The following PPEF1 variants were observed in gnomAD, a reference collection of about 807,000 sequenced individuals.
The protein encoded by PPEF1 is protein phosphatase with EF-hand domain 1.
PPEF1 carries 12 observed loss-of-function variants against 53.3 expected under a neutral mutation model. The ratio of observed to expected loss-of-function variants is 0.23; its 90% CI spans 0.14 to 0.36. PPEF1 has a LOEUF of 0.36. Among genes scored for constraint, PPEF1 ranks in the 10% least tolerant of loss-of-function variants. The pLI is 1.00. For synonymous variants in PPEF1, 165 were observed against 176.7 expected, an observed-to-expected ratio of 0.93 and a Z score of 0.52; for missense variants, 334 against 490.4, an observed-to-expected ratio of 0.68 and a Z score of 3.01.
chrX:18,682,685 A>G (rs1012266451), upstream of PPEF1, among the ~76,000 whole-genome samples: 1 of 111,799 alleles, frequency 8.9e-6, no homozygotes, highest in Non-Finnish European at 1.9e-5. Flanking sequence ...CAATGGAAAG[A>G]GTCCTAATGA....
At chrX:18,807,385 G>A (rs946410428) in intron 12 of PPEF1, among the ~76,000 whole-genome samples, 4 of 111,940 alleles carry the variant, frequency 3.6e-5, no homozygotes, top group Admixed American at 2.9e-4. Flanking sequence ...CTGAAAAAAA[G>A]CAAAGAAGAA....
chrX:18,769,668 C>T (rs2045836736), intron 6 of PPEF1, among the ~76,000 whole-genome samples: 2 of 111,447 alleles, frequency 1.8e-5, no homozygotes, highest in South Asian at 7.5e-4. Flanking sequence ...CATAATTTTC[C>T]AGCTGTCAAG....
At chrX:18,703,337 T>C (rs1370893203), upstream of PPEF1, among the ~76,000 whole-genome samples, 1 of 112,228 alleles carries the variant, frequency 8.9e-6, no homozygotes, top group Non-Finnish European at 1.9e-5. Context: ...AGCCAATTTT[T>C]TCTAATGGAT....
At chrX:18,718,929 C>T (rs889933791) in intron 1 of PPEF1, among the ~76,000 whole-genome samples, 5 of 111,794 alleles carry the variant, frequency 4.5e-5, no homozygotes, top group African/African-American at 6.5e-5. Flanking sequence ...CTTGGATGAA[C>T]GAACATGGCA....
intron 10 of PPEF1, among the ~76,000 whole-genome samples, chrX:18,799,987 A>G (rs2046517462): frequency 8.9e-6 from 1 of 111,980 alleles, no homozygotes; most frequent in African/African-American, 3.2e-5. Flanking sequence ...CAGAAAAAAG[A>G]AATGCAGAAC....
At chrX:18,776,099 C>G (rs1428438705) in intron 6 of PPEF1, among the ~76,000 whole-genome samples, 1 of 112,465 alleles carries the variant, frequency 8.9e-6, no homozygotes, top group Non-Finnish European at 1.9e-5. Context: ...CCAACAGAGT[C>G]TATAGCCTTC....
At chrX:18,692,024 C>T (rs1021283274) in intron 4 of PPEF1, among the ~76,000 whole-genome samples, 1 of 111,969 alleles carries the variant, frequency 8.9e-6, no homozygotes, top group African/African-American at 3.3e-5. Context: ...CAGTGTTCTG[C>T]TTTTGCCTCT....
chrX:18,694,227 T>G (rs1296776901), intron 4 of PPEF1, among the ~76,000 whole-genome samples: 1 of 111,960 alleles, frequency 8.9e-6, no homozygotes, highest in Non-Finnish European at 1.9e-5. Flanking sequence ...CTGTTTTCAA[T>G]GTTTGACCGT....
chrX:18,703,037 AATGGAAGCAGCTTAGATTTTACCAAGTC>A (rs1489403906), upstream of PPEF1, among the ~76,000 whole-genome samples: 110 of 111,374 alleles, frequency 9.9e-4, no homozygotes, highest in African/African-American at 3.5e-3. Flanking sequence ...GAGGGTGGGA[AATGGAAGCAGCTTAGATTTTACCAAGTC>A]ATGGAAAATC....
chrX:18,770,587 A>G (rs185707869), intron 6 of PPEF1, among the ~76,000 whole-genome samples: 8 of 111,734 alleles, frequency 7.2e-5, no homozygotes, highest in Non-Finnish European at 1.3e-4. Flanking sequence ...TTGAGTGTCA[A>G]GTGTGTTGCA....
chrX:18,759,111 T>C (rs146894539), intron 5 of PPEF1, among the ~76,000 whole-genome samples: 96 of 111,418 alleles, frequency 8.6e-4, no homozygotes, highest in Admixed American at 1.6e-3. Flanking sequence ...AGACAAAGAT[T>C]AGGGCGTGAC....
chrX:18,696,414 A>G (rs926055248), intron 4 of PPEF1, among the ~76,000 whole-genome samples: 1 of 108,774 alleles, frequency 9.2e-6, no homozygotes, highest in African/African-American at 3.3e-5. Context: ...CAGCCTCCCA[A>G]AGTGCTGGGA....
At chrX:18,790,363 T>C (rs1352227845) in intron 10 of PPEF1, among the ~76,000 whole-genome samples, 4 of 111,957 alleles carry the variant, frequency 3.6e-5, no homozygotes, top group Non-Finnish European at 7.5e-5. Flanking sequence ...CTTTATCAGG[T>C]ATATTATTTG....
chrX:18,806,336 TG>T, intron 11 of PPEF1, 66 bp from the exon 12 acceptor site: 2 of 1,090,906 alleles, frequency 1.8e-6, no homozygotes, highest in Non-Finnish European at 2.5e-6. Context: ...GAGCTATTTC[TG>T]ACCTTATTGA....
intron 13 of PPEF1, among the ~76,000 whole-genome samples, chrX:18,823,265 AAAT>A (rs2047099749): frequency 8.9e-6 from 1 of 112,240 alleles, no homozygotes; most frequent in Non-Finnish European, 1.9e-5. Context: ...ATTAGTTGTG[AAAT>A]GACAGGTGAA....
intron 10 of PPEF1, among the ~76,000 whole-genome samples, chrX:18,799,447 G>A (rs1330816351): frequency 8.9e-6 from 1 of 111,887 alleles, no homozygotes; most frequent in Non-Finnish European, 1.9e-5. Flanking sequence ...AAATGACATG[G>A]TCAAAAGCTG....
chrX:18,799,168 G>C (rs1293862170), intron 10 of PPEF1, among the ~76,000 whole-genome samples: 1 of 109,122 alleles, frequency 9.2e-6, no homozygotes, highest in East Asian at 2.9e-4. Context: ...GGGAGGCGGG[G>C]GTTGCAGTGA....
intron 13 of PPEF1, among the ~76,000 whole-genome samples, chrX:18,821,756 GGCGAGAGAGA>G (rs1247543240): frequency 5.3e-5 from 3 of 56,175 alleles, no homozygotes; most frequent in African/African-American, 2.3e-4. Flanking sequence ...ACGAAACCAT[GGCGAGAGAGA>G]GAGAGAGAGA....
chrX:18,687,143 T>C (rs1179562192), intron 3 of PPEF1, among the ~76,000 whole-genome samples: 3 of 111,375 alleles, frequency 2.7e-5, no homozygotes, highest in Non-Finnish European at 5.6e-5. Flanking sequence ...ATAGCTTTTC[T>C]GGAAGCCTCA....
Sources: gnomAD v4.1 joint callset for allele counts (sites outside exome capture counted in the v4.1 genomes callset) on GRCh38, gnomAD v4.1.1 for gene constraint, MANE v1.5 for transcripts, NCBI Gene and HGNC (gene_info 2026-07-23, HGNC 2026-07-21) for gene names.